The following MARCHF8 variants were observed in gnomAD, a reference collection of about 807,000 sequenced individuals.
MARCHF8 encodes the protein E3 ubiquitin-protein ligase MARCHF8.
A neutral mutation model predicts 51.6 loss-of-function variants in MARCHF8; 40 were observed. The ratio of observed to expected loss-of-function variants is 0.77; its 90% CI spans 0.60 to 1.01. The LOEUF is 1.01. Ranked by LOEUF, MARCHF8 falls within the 50% of genes least tolerant of loss-of-function variation. The pLI, the probability that MARCHF8 is intolerant of heterozygous loss-of-function variation, is 0.00. For synonymous variants in MARCHF8, 263 were observed against 280.3 expected (o/e 0.94, Z 0.62); for missense variants, 685 against 708.6 (o/e 0.97, Z 0.38).
chr10:45,550,732 T>C (rs2044185872), intron 1 of MARCHF8, among the ~76,000 whole-genome samples: 2 of 152,194 alleles, frequency 1.3e-5, no homozygotes, highest in Non-Finnish European at 1.5e-5. Flanking sequence ...TGGGATGCTC[T>C]TTCCTCTTTG....
At chr10:45,563,522 G>A (rs1374048620) in intron 1 of MARCHF8, among the ~76,000 whole-genome samples, 1 of 151,888 alleles carries the variant, frequency 6.6e-6, no homozygotes, top group Non-Finnish European at 1.5e-5. Context: ...AATATCTCAA[G>A]AATAAACCAC....
At position 45,512,192 on chromosome 10, in the gene MARCHF8, A is replaced by AC. The variant is rs538100506; in HGVS notation, c.102+20917dup. On this transcript the variant is annotated intron_variant, in intron 2 of 7. Transcript: ENST00000453424. ...GCCGCCCCATCTGAGAAGTGAGGAG[A>AC]CCCTCCGCCTGGCAACCGCCCCGTC... 1.6e-3 allele frequency among the ~76,000 whole-genome samples: 213 copies of AC among 130,830 alleles called. 1 individual carries two copies. The highest frequency in any genetic ancestry group is 4.8e-3 in the African/African-American group (160 of 33,668). 85.8% of individuals were successfully genotyped at this position (130,830 alleles called of 152,430 possible). A position where few individuals can be genotyped will look rare whatever the true frequency, so the allele number is the denominator to read the frequency against.
chr10:45,531,172 A>G (rs894967826), intron 2 of MARCHF8, among the ~76,000 whole-genome samples: 1 of 152,230 alleles, frequency 6.6e-6, no homozygotes, highest in Non-Finnish European at 1.5e-5. Flanking sequence ...TGGAGTCCCC[A>G]AAGAAAGAAT....
At chr10:45,539,406 G>A (rs1223777585), upstream of MARCHF8, among the ~76,000 whole-genome samples, 5 of 152,138 alleles carry the variant, frequency 3.3e-5, no homozygotes, top group African/African-American at 1.2e-4. Context: ...ACAATTAAAC[G>A]AATTAGAGAA....
chr10:45,531,482 T>C (rs1040111271), intron 2 of MARCHF8, among the ~76,000 whole-genome samples: 2 of 152,140 alleles, frequency 1.3e-5, no homozygotes, highest in Non-Finnish European at 2.9e-5. Context: ...TTTAAATATA[T>C]TCTAGGGTTT....
intron 1 of MARCHF8, among the ~76,000 whole-genome samples, chr10:45,571,699 T>C (rs994129860): frequency 2.0e-5 from 3 of 152,210 alleles, no homozygotes; most frequent in Non-Finnish European, 4.4e-5. Flanking sequence ...AAGCAACATC[T>C]CACCAATTTT....
intron 3 of MARCHF8, among the ~76,000 whole-genome samples, chr10:45,483,044 G>T (rs61854095): frequency 0.02 from 3,012 of 152,172 alleles, 46 homozygotes; most frequent in Admixed American, 0.028. Flanking sequence ...ACTATTAGAA[G>T]AAAACACAGG....
At chr10:45,532,008 G>C (rs888332480) in intron 2 of MARCHF8, among the ~76,000 whole-genome samples, 1 of 152,038 alleles carries the variant, frequency 6.6e-6, no homozygotes, top group African/African-American at 2.4e-5. Flanking sequence ...AAGCTCTCAC[G>C]GGGCCCTGCA....
intron 1 of MARCHF8, among the ~76,000 whole-genome samples, chr10:45,551,276 A>G (rs1394017010): frequency 6.6e-6 from 1 of 152,228 alleles, no homozygotes; most frequent in Non-Finnish European, 1.5e-5. Flanking sequence ...TAACATTATC[A>G]TAAGTCAGAA....
intron 1 of MARCHF8, among the ~76,000 whole-genome samples, chr10:45,571,022 A>T (rs1378229625): frequency 6.6e-6 from 1 of 152,240 alleles, no homozygotes; most frequent in Non-Finnish European, 1.5e-5. Flanking sequence ...AATTCCAACC[A>T]TATTCCCACC....
chr10:45,507,507 A>G (rs533314831), intron 2 of MARCHF8, among the ~76,000 whole-genome samples: 22 of 152,312 alleles, frequency 1.4e-4, no homozygotes, highest in African/African-American at 4.3e-4. Flanking sequence ...GAAGGACGAC[A>G]GGTCAAGAGA....
chr10:45,568,223 T>C (rs891483742), intron 1 of MARCHF8, among the ~76,000 whole-genome samples: 14 of 152,248 alleles, frequency 9.2e-5, no homozygotes, highest in African/African-American at 3.1e-4. Flanking sequence ...TAAACAACGA[T>C]AATTTGACTT....
At chr10:45,577,416 A>T (rs2044502449) in intron 1 of MARCHF8, among the ~76,000 whole-genome samples, 3 of 152,094 alleles carry the variant, frequency 2.0e-5, no homozygotes. Context: ...GGGGATGTAT[A>T]CCCTATTTGC....
intron 2 of MARCHF8, among the ~76,000 whole-genome samples, chr10:45,524,701 T>A (rs554772998): frequency 6.6e-6 from 1 of 152,300 alleles, no homozygotes; most frequent in East Asian, 1.9e-4. Context: ...GGGATTTTTA[T>A]CCTGCAGAAT....
chr10:45,511,550 G>A (rs1043044878), intron 2 of MARCHF8, among the ~76,000 whole-genome samples: 8 of 152,250 alleles, frequency 5.3e-5, no homozygotes, highest in Non-Finnish European at 1.0e-4. Flanking sequence ...TGCGATTACA[G>A]GCGCGCGCCG....
chr10:45,488,398 C>T (rs1240967216), intron 3 of MARCHF8, among the ~76,000 whole-genome samples: 1 of 152,118 alleles, frequency 6.6e-6, no homozygotes. Flanking sequence ...GAAGGTCCAG[C>T]TCTCATCGTG....
At chr10:45,509,530 T>C (rs1564492559) in intron 2 of MARCHF8, among the ~76,000 whole-genome samples, 1 of 152,246 alleles carries the variant, frequency 6.6e-6, no homozygotes. Flanking sequence ...TCCTCTTTTT[T>C]ACTAGGACAT....
At chr10:45,559,941 G>C (rs1267862473) in intron 1 of MARCHF8, among the ~76,000 whole-genome samples, 1 of 152,070 alleles carries the variant, frequency 6.6e-6, no homozygotes, top group Non-Finnish European at 1.5e-5. Context: ...CCTTCCAAGG[G>C]AGCGGGCCTC....
At chr10:45,511,439 G>C (rs968523579) in intron 2 of MARCHF8, among the ~76,000 whole-genome samples, 2 of 151,896 alleles carry the variant, frequency 1.3e-5, no homozygotes, top group Admixed American at 1.3e-4. Context: ...CTCTTTCCAC[G>C]GTCTCCCTCT....
Sources: gnomAD v4.1 joint callset for allele counts (sites outside exome capture counted in the v4.1 genomes callset) on GRCh38, gnomAD v4.1.1 for gene constraint, MANE v1.5 for transcripts, NCBI Gene and HGNC (gene_info 2026-07-23, HGNC 2026-07-21) for gene names.